Variants in CEACAM20 observed in about 807,000 individuals in gnomAD.
CEACAM20 encodes the protein cell adhesion molecule CEACAM20.
Under a neutral mutation model 61.2 loss-of-function variants are expected in CEACAM20, and 50 were observed. The observed-to-expected ratio is 0.82, with a 90% CI of 0.65 to 1.03. The LOEUF (loss-of-function observed/expected upper bound fraction) is 1.03. CEACAM20 is among the 50% of genes least tolerant of loss of function. The probability of loss-of-function intolerance (pLI) is 0.00; values close to 1 mark genes in which losing one functional copy is unlikely to be tolerated. For synonymous variants in CEACAM20, 282 were observed against 287.7 expected (o/e 0.98, Z 0.20); for missense variants, 683 against 736.4 (o/e 0.93, Z 0.84).
intron 1 of CEACAM20, 65 bp downstream of exon 1, chr19:44,529,390 ACAC>A: frequency 1.6e-6 from 2 of 1,223,894 alleles, no homozygotes; most frequent in Non-Finnish European, 2.3e-6. Context: ...ACACACACAC[ACAC>A]ACCGCTGACA....
At chr19:44,510,553 AAAG>A (rs1970946099) in intron 11 of CEACAM20, among the ~76,000 whole-genome samples, 1 of 33,420 alleles carries the variant, frequency 3.0e-5, no homozygotes, top group African/African-American at 1.6e-4. Flanking sequence ...GGAAGGAAAG[AAAG>A]AAAGAAAGAA....
intron 11 of CEACAM20, among the ~76,000 whole-genome samples, chr19:44,507,869 T>A (rs1320921862): frequency 6.6e-6 from 1 of 152,166 alleles, no homozygotes; most frequent in African/African-American, 2.4e-5. Flanking sequence ...GCACACAACC[T>A]GGGTGAAAGA....
chr19:44,523,304 G>A (rs1302382212), intron 3 of CEACAM20, among the ~76,000 whole-genome samples: 1 of 151,988 alleles, frequency 6.6e-6, no homozygotes, highest in Non-Finnish European at 1.5e-5. Context: ...AGCTACTCGG[G>A]AGGCTGAGGC....
In CEACAM20 at chr19:44,511,547, A is replaced by G. The variant is rs140972515; in HGVS notation, c.1611+90T>C. 3.3e-3 allele frequency: 4,330 copies of G among 1,293,834 alleles called. 112 individuals carry two copies. The African/African-American group carries it at 0.055, about 16-fold the overall frequency. 80.1% of individuals were successfully genotyped at this position (1,293,834 alleles called of 1,614,324 possible). On this transcript the variant is annotated intron_variant, in intron 10 of 11. Coordinates refer to ENST00000614924, the MANE Select transcript of CEACAM20 (RefSeq NM_001102597.3). ...GTGATGTGCCATGAAATGTTTAGAC[A>G]AGATGATCTCTCAGGCTTATCACAT...
intron 11 of CEACAM20, among the ~76,000 whole-genome samples, chr19:44,509,687 GGAATT>G (rs1213619130): frequency 1.3e-5 from 2 of 151,734 alleles, no homozygotes; most frequent in African/African-American, 2.4e-5. Context: ...AAAAGGGAAA[GGAATT>G]GAAGAGAACA....
At chr19:44,518,517 T>G (rs1456247922) in intron 5 of CEACAM20, among the ~76,000 whole-genome samples, 1 of 151,828 alleles carries the variant, frequency 6.6e-6, no homozygotes, top group Non-Finnish European at 1.5e-5. Context: ...GGCAGGGAGA[T>G]CACTTGAGTT....
At chr19:44,518,328 G>A (rs531028181) in intron 5 of CEACAM20, among the ~76,000 whole-genome samples, 4 of 152,130 alleles carry the variant, frequency 2.6e-5, no homozygotes, top group Admixed American at 6.5e-5. Context: ...TATTCTCAAT[G>A]GTATAAACAC....
chr19:44,520,180 CT>C (rs1459350671), intron 5 of CEACAM20, among the ~76,000 whole-genome samples: 4 of 152,220 alleles, frequency 2.6e-5, no homozygotes, highest in East Asian at 1.9e-4. Flanking sequence ...CTCACTCCCC[CT>C]CTCCCCCACT....
At chr19:44,517,589 C>T (rs895188874) in intron 5 of CEACAM20, among the ~76,000 whole-genome samples, 7 of 150,912 alleles carry the variant, frequency 4.6e-5, no homozygotes, top group Non-Finnish European at 8.8e-5. Flanking sequence ...CCCAGCTACT[C>T]GGGAGGCTGA....
In CEACAM20 at chr19:44,523,932, G is replaced by A. The variant is rs8113384; in HGVS notation, c.472+54C>T. On this transcript the variant is annotated intron_variant, in intron 3 of 11. Transcript: ENST00000614924. ...ATTTCAAGCTGTGAGACTGAACGAGGCACTAAGCAAGTGAGTGTCAGTGAG... is the reference window on the plus strand; with the variant it reads ...ATTTCAAGCTGTGAGACTGAACGAGACACTAAGCAAGTGAGTGTCAGTGAG... The A allele has an allele frequency of 3.3e-3, 4,867 of 1,493,062 alleles. 147 individuals carry two copies. In the African/African-American group the frequency reaches 0.057, roughly 18 times the overall value. 92.5% of individuals were successfully genotyped at this position (1,493,062 alleles called of 1,614,324 possible).
rs376925417 is a variant in CEACAM20, at chr19:44,524,239, T to C, written c.219A>G (p.Ala73=). The part of the protein sequence containing the change: ...RSRELAKPSI[A]VSPGTAIEQK... Reference sequence around the variant, plus strand: ...GCTCTATGGCAGTGCCTGGGCTGACTGCAATGGAGGGTTTGGCCAGCTCTG... The same window carrying C: ...GCTCTATGGCAGTGCCTGGGCTGACCGCAATGGAGGGTTTGGCCAGCTCTG... Residue 73 remains alanine (A), a synonymous_variant, in exon 3 of 12, where the codon GCA becomes GCG. Coordinates refer to ENST00000614924, the MANE Select transcript of CEACAM20 (RefSeq NM_001102597.3). 14 of 1,613,308 alleles carry C rather than the reference T, an allele frequency of 8.7e-6. No individual in the cohort carries two copies. The African/African-American group carries it at 1.5e-4, about 17-fold the overall frequency.
intron 11 of CEACAM20, among the ~76,000 whole-genome samples, chr19:44,509,932 A>G (rs1231860628): frequency 6.6e-6 from 1 of 152,188 alleles, no homozygotes; most frequent in Non-Finnish European, 1.5e-5. Context: ...TAGGAAATAG[A>G]ACGGATGAAA....
chr19:44,519,444 A>G (rs1971287904), intron 5 of CEACAM20, among the ~76,000 whole-genome samples: 1 of 152,106 alleles, frequency 6.6e-6, no homozygotes. Flanking sequence ...AAAGACATGT[A>G]CTCAACCCCT....
At chr19:44,517,707 A>AG (rs1195238733) in intron 5 of CEACAM20, among the ~76,000 whole-genome samples, 3 of 151,158 alleles carry the variant, frequency 2.0e-5, no homozygotes, top group African/African-American at 7.3e-5. Context: ...AAAAAAAAAA[A>AG]AAAAAGAAAA....
rs369600203 is a variant in CEACAM20 at position 44,511,750 on chromosome 19, TG to T, written c.1576-79del. On this transcript the variant is annotated intron_variant, in intron 9 of 11. Coordinates refer to ENST00000614924, the MANE Select transcript of CEACAM20 (RefSeq NM_001102597.3). ...CCCAAGAGATGCTCAGAAATAGCTT[TG>T]GCCTCAGAGGCAATTATAGCACTTC... 2.8e-4 allele frequency: 410 copies of T among 1,466,496 alleles called. No homozygotes were observed. In the African/African-American group the frequency reaches 4.8e-3, roughly 17 times the overall value. 90.8% of individuals were successfully genotyped at this position (1,466,496 alleles called of 1,614,324 possible). A position where few individuals can be genotyped will look rare whatever the true frequency, so the allele number is the denominator to read the frequency against.
chr19:44,519,258 C>T (rs938524944), intron 5 of CEACAM20, among the ~76,000 whole-genome samples: 1 of 152,192 alleles, frequency 6.6e-6, no homozygotes, highest in Non-Finnish European at 1.5e-5. Flanking sequence ...TATGTTTTAT[C>T]TGCCTGCTTA....
chr19:44,515,740 G>T (rs930132697), intron 6 of CEACAM20, among the ~76,000 whole-genome samples: 2 of 152,074 alleles, frequency 1.3e-5, no homozygotes, highest in Non-Finnish European at 2.9e-5. Context: ...GAAGCGGGAC[G>T]ATCACTTGAG....
intron 11 of CEACAM20, among the ~76,000 whole-genome samples, chr19:44,508,897 T>C (rs1970893395): frequency 6.6e-6 from 1 of 152,238 alleles, no homozygotes; most frequent in African/African-American, 2.4e-5. Flanking sequence ...CACCATTTTG[T>C]AGTGTTGTAT....
chr19:44,521,478 G>A (rs1049172035), intron 4 of CEACAM20, among the ~76,000 whole-genome samples: 30 of 151,782 alleles, frequency 2.0e-4, no homozygotes, highest in Non-Finnish European at 1.2e-4. Flanking sequence ...GTATGTCTGC[G>A]TTTTGTATGT....
Sources: allele counts gnomAD v4.1 joint callset (sites outside exome capture counted in the v4.1 genomes callset), GRCh38; gene constraint gnomAD v4.1.1; transcripts MANE v1.5; gene names NCBI Gene and HGNC (gene_info 2026-07-23, HGNC 2026-07-21).